INPP4B: variants seen among roughly 807,000 people sequenced by gnomAD.
INPP4B encodes the protein inositol polyphosphate 4-phosphatase type II.
Under a neutral mutation model 122.5 loss-of-function variants are expected in INPP4B, and 55 were observed. That is an observed-to-expected ratio of 0.45 (90% CI 0.36 to 0.56). INPP4B has a LOEUF of 0.56. INPP4B is among the 20% of genes least tolerant of loss of function. The probability of loss-of-function intolerance (pLI) is 0.00; values close to 1 mark genes in which losing one functional copy is unlikely to be tolerated. For missense variants in INPP4B, 1,000 were observed against 1,097.7 expected, an observed-to-expected ratio of 0.91 and a Z score of 1.26; for synonymous variants, 403 against 388.7, an observed-to-expected ratio of 1.04 and a Z score of -0.43.
intron 2 of INPP4B, among the ~76,000 whole-genome samples, chr4:142,497,531 CT>C (rs35167990): frequency 1.9e-5 from 2 of 105,740 alleles, no homozygotes; most frequent in Non-Finnish European, 4.0e-5. Context: ...AGTGTTTAAT[CT>C]TTTCCTCACC....
At chr4:142,650,578 C>T (rs1752728598) in intron 2 of INPP4B, among the ~76,000 whole-genome samples, 1 of 151,486 alleles carries the variant, frequency 6.6e-6, no homozygotes, top group African/African-American at 2.4e-5. Context: ...ATCCTAGTCT[C>T]TGATGAAATA....
intron 7 of INPP4B, among the ~76,000 whole-genome samples, chr4:142,387,286 G>A (rs1473367689): frequency 6.6e-6 from 1 of 152,038 alleles, no homozygotes; most frequent in Non-Finnish European, 1.5e-5. Flanking sequence ...CATTGGCTAA[G>A]TCATCAAGGG....
intron 17 of INPP4B, among the ~76,000 whole-genome samples, chr4:142,149,279 G>T (rs1273934196): frequency 6.6e-6 from 1 of 152,176 alleles, no homozygotes; most frequent in Non-Finnish European, 1.5e-5. Context: ...AGAAGGAGGT[G>T]ACTCCAGAGA....
chr4:142,029,978 G>T, intron 25 of INPP4B: 1 of 1,379,124 alleles, frequency 7.3e-7, no homozygotes, highest in Non-Finnish European at 9.4e-7. Context: ...AGTACTTTTT[G>T]TTTTTTAGAT....
At chr4:142,742,664 A>C (rs1486768497) in intron 1 of INPP4B, among the ~76,000 whole-genome samples, 1 of 152,012 alleles carries the variant, frequency 6.6e-6, no homozygotes, top group Non-Finnish European at 1.5e-5. Context: ...TTTACAACCA[A>C]ATGACCCATG....
intron 16 of INPP4B, among the ~76,000 whole-genome samples, chr4:142,167,430 T>C (rs1823345320): frequency 6.6e-6 from 1 of 151,720 alleles, no homozygotes; most frequent in Non-Finnish European, 1.5e-5. Context: ...TCAGGATAAA[T>C]AGCTAATGCA....
intron 25 of INPP4B, among the ~76,000 whole-genome samples, chr4:142,037,258 C>T (rs370779000): frequency 7.2e-5 from 11 of 152,086 alleles, no homozygotes; most frequent in East Asian, 5.8e-4. Flanking sequence ...CACATCACTG[C>T]CTACATGAGG....
chr4:142,481,945 A>G (rs986613810), intron 2 of INPP4B, among the ~76,000 whole-genome samples: 26 of 152,206 alleles, frequency 1.7e-4, no homozygotes, highest in Non-Finnish European at 2.4e-4. Flanking sequence ...CAATGCAGCT[A>G]TAGAATTAAA....
At chr4:142,552,151 A>C (rs960701485) in intron 2 of INPP4B, among the ~76,000 whole-genome samples, 1 of 152,190 alleles carries the variant, frequency 6.6e-6, no homozygotes, top group Non-Finnish European at 1.5e-5. Flanking sequence ...GGCTCTTTGA[A>C]ATTGAATGCT....
chr4:142,176,125 T>C (rs966212385), intron 15 of INPP4B, among the ~76,000 whole-genome samples: 1 of 145,216 alleles, frequency 6.9e-6, no homozygotes, highest in South Asian at 2.2e-4. Context: ...TCTTTTATTA[T>C]TATTATTATT....
chr4:142,032,352 A>T (rs371697056), intron 25 of INPP4B, among the ~76,000 whole-genome samples: 34 of 152,094 alleles, frequency 2.2e-4, no homozygotes, highest in African/African-American at 8.0e-4. Context: ...CTCTACAGTT[A>T]TGGACCCCAT....
At chr4:142,034,004 T>C (rs140292206) in intron 25 of INPP4B, among the ~76,000 whole-genome samples, 55 of 152,100 alleles carry the variant, frequency 3.6e-4, no homozygotes, top group African/African-American at 1.3e-3. Context: ...ACTCTACTTA[T>C]CAGGCCAATC....
At chr4:142,521,524 T>C (rs1476717682) in intron 2 of INPP4B, among the ~76,000 whole-genome samples, 1 of 152,046 alleles carries the variant, frequency 6.6e-6, no homozygotes, top group Non-Finnish European at 1.5e-5. Context: ...GCCACATTAA[T>C]CTAACAGGCA....
Position 142,556,382 on chromosome 4 carries a change from T to A in INPP4B, c.-190-93656A>T, listed in dbSNP as rs111920537. 1.4e-3 allele frequency among the ~76,000 whole-genome samples: 214 copies of A among 152,290 alleles called. 1 individual carries two copies. Among genetic ancestry groups the A allele is most frequent in the African/African-American group, 4.8e-3 (201 of 41,548 alleles). On this transcript the variant is annotated intron_variant, in intron 2 of 25. Transcript: ENST00000262992. The stretch of plus-strand genomic sequence containing the variant: ...ACTCCAGACAGGAGTTCTAATTATA[T>A]GTAAGTGAAGAAAAACTGTTATTTT...
At chr4:142,423,687 A>C in intron 5 of INPP4B, 1 of 344,448 alleles carries the variant, frequency 2.9e-6, no homozygotes, top group South Asian at 2.4e-5. Flanking sequence ...GACGGTACAC[A>C]TCATTTACCT....
chr4:142,275,106 T>C (rs1213572074), intron 9 of INPP4B, among the ~76,000 whole-genome samples: 1 of 151,790 alleles, frequency 6.6e-6, no homozygotes, highest in Admixed American at 6.6e-5. Flanking sequence ...AATGAAATAT[T>C]CAATCTCACA....
chr4:142,801,752 C>T (rs72728667), intron 1 of INPP4B, among the ~76,000 whole-genome samples: 45,999 of 151,912 alleles, frequency 0.3, 7,135 homozygotes, highest in South Asian at 0.41. Context: ...CAGAGTGACT[C>T]CCAGATTTTT....
chr4:142,500,744 G>C (rs2149817956), intron 2 of INPP4B, among the ~76,000 whole-genome samples: 1 of 152,056 alleles, frequency 6.6e-6, no homozygotes, highest in Middle Eastern at 3.4e-3. Context: ...GATGGATCTG[G>C]AGGACAATTT....
intron 25 of INPP4B, among the ~76,000 whole-genome samples, chr4:142,055,817 G>C (rs1757363210): frequency 1.3e-5 from 2 of 151,852 alleles, no homozygotes; most frequent in Admixed American, 6.6e-5. Context: ...ACTGACCTGG[G>C]GGTGGGGGCG....
Sources: gnomAD v4.1 joint callset for allele counts (sites outside exome capture counted in the v4.1 genomes callset) on GRCh38, gnomAD v4.1.1 for gene constraint, MANE v1.5 for transcripts, NCBI Gene and HGNC (gene_info 2026-07-23, HGNC 2026-07-21) for gene names.